CDKL5: variants seen among roughly 807,000 people sequenced by gnomAD.
CDKL5 encodes the protein cyclin dependent kinase like 5, also known as cyclin-dependent kinase-like 5.
A neutral mutation model predicts 61.7 loss-of-function variants in CDKL5; 8 were observed. The ratio of observed to expected loss-of-function variants is 0.13; its 90% CI spans 0.08 to 0.23. The LOEUF is 0.23. Ranked by LOEUF, CDKL5 falls within the 10% of genes least tolerant of loss-of-function variation. CDKL5 has a pLI of 1.00. For missense variants in CDKL5, 440 were observed against 734.5 expected (o/e 0.60, Z 4.63); for synonymous variants, 275 against 272.3 (o/e 1.01, Z -0.10).
chrX:18,494,944 G>A (rs1922117704), intron 1 of CDKL5, among the ~76,000 whole-genome samples: 1 of 111,860 alleles, frequency 8.9e-6, no homozygotes, highest in African/African-American at 3.2e-5. Context: ...CTAAGTAGGA[G>A]TGCTTCATCT....
intron 1 of CDKL5, among the ~76,000 whole-genome samples, chrX:18,450,005 G>A (rs1028083172): frequency 8.9e-6 from 1 of 111,885 alleles, no homozygotes; most frequent in African/African-American, 3.2e-5. Flanking sequence ...ATGTTGGCCA[G>A]GATGGTCTCG....
chrX:18,465,838 T>G (rs1054631739), intron 1 of CDKL5, among the ~76,000 whole-genome samples: 1 of 112,004 alleles, frequency 8.9e-6, no homozygotes, highest in Non-Finnish European at 1.9e-5. Flanking sequence ...GTCCCTTTAA[T>G]TTGTAAAAGT....
At chrX:18,563,031 C>T (rs765419815) in intron 3 of CDKL5, among the ~76,000 whole-genome samples, 1 of 111,853 alleles carries the variant, frequency 8.9e-6, no homozygotes, top group South Asian at 3.7e-4. Flanking sequence ...AAAGTTTTAA[C>T]GCTTAGGATG....
intron 1 of CDKL5, among the ~76,000 whole-genome samples, chrX:18,477,190 C>T (rs1033919965): frequency 1.8e-5 from 2 of 111,584 alleles, no homozygotes; most frequent in African/African-American, 6.5e-5. Flanking sequence ...TGTCAGCCTC[C>T]CGAGTAGCTG....
At chrX:18,442,745 C>T (rs1164853347) in intron 1 of CDKL5, among the ~76,000 whole-genome samples, 3 of 111,666 alleles carry the variant, frequency 2.7e-5, no homozygotes, top group South Asian at 3.7e-4. Flanking sequence ...CCGCCCGCCT[C>T]GGCCTCCCAA....
Position 18,630,269 on chromosome X carries a change from A to G in CDKL5, c.*1512A>G, listed in dbSNP as rs369108998. 1.5e-3 allele frequency: 1,132 copies of G among 751,478 alleles called. 10 individuals carry two copies. The African/African-American group carries it at 0.023, about 15-fold the overall frequency. The allele number at this position is 751,478 out of a possible 1,213,427, so 61.9% of individuals were successfully genotyped here. A position where few individuals can be genotyped will look rare whatever the true frequency, so the allele number is the denominator to read the frequency against. ...AGCTCCCAAGTTACTCCCAAGTATC[A>G]TCAAACCCTTTGGCCATCAAGTGTT... On this transcript the variant is annotated 3_prime_UTR_variant, in exon 18 of 18. Transcript: ENST00000623535.
chrX:18,485,663 G>A (rs907474487), intron 1 of CDKL5, among the ~76,000 whole-genome samples: 12 of 111,869 alleles, frequency 1.1e-4, no homozygotes, highest in African/African-American at 3.9e-4. Flanking sequence ...AGGAAAGCAG[G>A]ACCAAGGATC....
intron 1 of CDKL5, among the ~76,000 whole-genome samples, chrX:18,470,556 T>G (rs1921056621): frequency 9.0e-6 from 1 of 110,538 alleles, no homozygotes; most frequent in Non-Finnish European, 1.9e-5. Flanking sequence ...TTACTGAGAA[T>G]TTGGTCAGAG....
downstream of CDKL5, chrX:18,642,256 A>G: frequency 1.1e-6 from 1 of 947,236 alleles, no homozygotes. Flanking sequence ...TATAGAAATG[A>G]TTAGGAAGTA....
chrX:18,541,136 A>T (rs1357021748), intron 3 of CDKL5, among the ~76,000 whole-genome samples: 1 of 111,833 alleles, frequency 8.9e-6, no homozygotes, highest in Non-Finnish European at 1.9e-5. Flanking sequence ...TTTCACTATG[A>T]TGTGTCTTGG....
intron 3 of CDKL5, among the ~76,000 whole-genome samples, chrX:18,537,095 G>T (rs950260077): frequency 5.5e-5 from 6 of 108,912 alleles, no homozygotes; most frequent in African/African-American, 2.0e-4. Flanking sequence ...CATTAAACCT[G>T]CCCATCCAGC....
Position 18,480,348 on chromosome X carries a change from T to C in CDKL5, c.-162-26587T>C, listed in dbSNP as rs143151746. On this transcript the variant is annotated intron_variant, in intron 1 of 17. Coordinates refer to ENST00000623535, the MANE Select transcript of CDKL5 (RefSeq NM_001323289.2). ...GCAGGTTTTTGGGAGGAAGACCACG[T>C]AAGTAAAGTGTCATTTTCATCACAT... Among the ~76,000 whole-genome samples the C allele has an allele frequency of 2.7e-5, 3 of 111,987 alleles. No individual in the cohort carries two copies. In the East Asian group the frequency reaches 8.4e-4, roughly 31 times the overall value.
chrX:18,503,549 A>C (rs373118245), intron 1 of CDKL5, among the ~76,000 whole-genome samples: 9 of 112,344 alleles, frequency 8.0e-5, no homozygotes, highest in Admixed American at 2.8e-4. Context: ...GATGCTGCTG[A>C]TATTTGTGTA....
chrX:18,558,322 C>T (rs952616828), intron 3 of CDKL5, among the ~76,000 whole-genome samples: 4 of 111,603 alleles, frequency 3.6e-5, no homozygotes, highest in Admixed American at 9.6e-5. Context: ...CTGTTGCAGA[C>T]GTTGTGGGGG....
At chrX:18,473,714 T>C (rs1016822259) in intron 1 of CDKL5, among the ~76,000 whole-genome samples, 14 of 100,091 alleles carry the variant, frequency 1.4e-4, no homozygotes, top group South Asian at 4.4e-4. Context: ...TTCTCTCTCT[T>C]TTTTTTTTTT....
chrX:18,533,101 A>G (rs966548005), intron 3 of CDKL5, among the ~76,000 whole-genome samples: 1 of 112,043 alleles, frequency 8.9e-6, no homozygotes, highest in Admixed American at 9.5e-5. Context: ...CTATAAATGT[A>G]ATTTTAATAT....
chrX:18,529,494 C>T (rs905065703), intron 3 of CDKL5, among the ~76,000 whole-genome samples: 1 of 110,850 alleles, frequency 9.0e-6, no homozygotes. Flanking sequence ...CAGTTTCTTA[C>T]CTATATAATT....
chrX:18,642,133 G>A (rs1927606398), downstream of CDKL5: 2 of 1,211,910 alleles, frequency 1.7e-6, no homozygotes, highest in East Asian at 5.9e-5. Flanking sequence ...CCGTGGAGGT[G>A]CGGTCCGAGT....
intron 1 of CDKL5, among the ~76,000 whole-genome samples, chrX:18,436,502 A>G (rs139921852): frequency 7.2e-4 from 80 of 111,368 alleles, no homozygotes; most frequent in African/African-American, 2.5e-3. Flanking sequence ...GAAGAATGAG[A>G]AGGACCTGGT....
Sources: gnomAD v4.1 joint callset for allele counts (sites outside exome capture counted in the v4.1 genomes callset) on GRCh38, gnomAD v4.1.1 for gene constraint, MANE v1.5 for transcripts, NCBI Gene and HGNC (gene_info 2026-07-23, HGNC 2026-07-21) for gene names.